The following CCSER1 variants were observed in gnomAD, a reference collection of about 807,000 sequenced individuals.
CCSER1 encodes the protein serine-rich coiled-coil domain-containing protein 1.
In CCSER1, 41 loss-of-function variants were observed where a neutral mutation model predicts 82.0. That is an observed-to-expected ratio of 0.50 (90% CI 0.39 to 0.65). CCSER1 has a LOEUF of 0.65. Ranked by LOEUF, CCSER1 falls within the 30% of genes least tolerant of loss-of-function variation. CCSER1 has a pLI of 0.00. For missense variants in CCSER1, 1,119 were observed against 1,064.2 expected (o/e 1.05, Z -0.72); for synonymous variants, 414 against 383.9 (o/e 1.08, Z -0.92).
At chr4:90,792,374 A>G (rs1190819920) in intron 7 of CCSER1, among the ~76,000 whole-genome samples, 3 of 152,150 alleles carry the variant, frequency 2.0e-5, no homozygotes, top group African/African-American at 4.8e-5. Context: ...CTTTGTTATC[A>G]TATAAAACCT....
chr4:91,371,540 G>T (rs1339418242), intron 10 of CCSER1, among the ~76,000 whole-genome samples: 1 of 152,092 alleles, frequency 6.6e-6, no homozygotes, highest in African/African-American at 2.4e-5. Context: ...GTATCCCATT[G>T]TGTATATGTG....
At chr4:91,282,777 A>C (rs919172304) in intron 10 of CCSER1, among the ~76,000 whole-genome samples, 14 of 152,260 alleles carry the variant, frequency 9.2e-5, no homozygotes, top group Admixed American at 2.0e-4. Context: ...AAAATTTGGC[A>C]ACAGGGATTA....
chr4:90,745,678 CTTTTTTTTTTTTTT>C (rs537380046), intron 7 of CCSER1, among the ~76,000 whole-genome samples: 2 of 72,236 alleles, frequency 2.8e-5, no homozygotes, highest in Non-Finnish European at 4.9e-5. Context: ...TTTCTTTTAT[CTTTTTTTTTTTTTT>C]TTTTTTTTTT....
intron 6 of CCSER1, among the ~76,000 whole-genome samples, chr4:90,674,767 G>T (rs566538449): frequency 1.3e-5 from 2 of 151,626 alleles, no homozygotes; most frequent in East Asian, 3.9e-4. Context: ...TTTATAGCAT[G>T]TAAGAAAATG....
At chr4:91,485,486 A>G (rs899621682) in intron 10 of CCSER1, among the ~76,000 whole-genome samples, 1 of 152,150 alleles carries the variant, frequency 6.6e-6, no homozygotes, top group Non-Finnish European at 1.5e-5. Context: ...AAGAAGGGGA[A>G]AAGTAGCATG....
intron 9 of CCSER1, among the ~76,000 whole-genome samples, chr4:90,948,218 A>G (rs1197033730): frequency 6.6e-6 from 1 of 151,964 alleles, no homozygotes; most frequent in Non-Finnish European, 1.5e-5. Context: ...AGTTAGGTAA[A>G]CATTCATTAT....
At position 90,591,983 on chromosome 4, in the gene CCSER1, A is replaced by G. The variant is rs540200104; in HGVS notation, c.1725-36042A>G. Among the ~76,000 whole-genome samples the G allele has an allele frequency of 9.9e-5, 15 of 152,252 alleles. No individual in the cohort carries two copies. In the South Asian group the frequency reaches 1.5e-3, roughly 15 times the overall value. Reference sequence around the variant, plus strand: ...CTCACTCATAAGTGGGAGTTGAACAATGAGAACACATGGGCACAGGGAGGG... The same window carrying G: ...CTCACTCATAAGTGGGAGTTGAACAGTGAGAACACATGGGCACAGGGAGGG... On this transcript the variant is annotated intron_variant, in intron 5 of 10. Transcript: ENST00000509176.
intron 1 of CCSER1, among the ~76,000 whole-genome samples, chr4:90,188,504 A>G (rs1441013097): frequency 4.0e-5 from 3 of 75,608 alleles, no homozygotes; most frequent in African/African-American, 2.3e-4. Context: ...ATCAAAACCA[A>G]TTATTTTCTG....
At chr4:90,900,856 G>T (rs1419641496) in intron 8 of CCSER1, among the ~76,000 whole-genome samples, 1 of 151,750 alleles carries the variant, frequency 6.6e-6, no homozygotes, top group Non-Finnish European at 1.5e-5. Flanking sequence ...TTAGTTTTCT[G>T]CTTGGATTAT....
intron 10 of CCSER1, among the ~76,000 whole-genome samples, chr4:91,180,042 G>A (rs1008899878): frequency 6.6e-6 from 1 of 152,208 alleles, no homozygotes; most frequent in Non-Finnish European, 1.5e-5. Flanking sequence ...AGGATCCCCA[G>A]CTGCAGGTCT....
At chr4:91,027,935 C>A (rs10516884) in intron 9 of CCSER1, among the ~76,000 whole-genome samples, 16,391 of 152,006 alleles carry the variant, frequency 0.11, 1,746 homozygotes, top group African/African-American at 0.27. Context: ...CAATGTCATT[C>A]TGCTGAATAT....
chr4:91,343,174 A>T (rs994268762), intron 10 of CCSER1, among the ~76,000 whole-genome samples: 1 of 152,138 alleles, frequency 6.6e-6, no homozygotes, highest in South Asian at 2.1e-4. Flanking sequence ...TTTTTGCCCA[A>T]TTTCTTCTGA....
chr4:91,559,443 G>A (rs950004189), intron 10 of CCSER1, among the ~76,000 whole-genome samples: 2 of 151,446 alleles, frequency 1.3e-5, no homozygotes, highest in Non-Finnish European at 3.0e-5. Context: ...CTATTAAGAT[G>A]AAGGAATATT....
At chr4:90,772,777 T>C (rs146461302) in intron 7 of CCSER1, among the ~76,000 whole-genome samples, 1 of 152,322 alleles carries the variant, frequency 6.6e-6, no homozygotes, top group Admixed American at 6.5e-5. Context: ...CAAAAAATGA[T>C]ATTATCTATT....
intron 10 of CCSER1, among the ~76,000 whole-genome samples, chr4:91,382,877 C>T (rs1206218643): frequency 6.6e-6 from 1 of 152,000 alleles, no homozygotes; most frequent in Non-Finnish European, 1.5e-5. Context: ...TAAGAATGGC[C>T]CACAGCCACC....
intron 6 of CCSER1, among the ~76,000 whole-genome samples, chr4:90,700,321 T>A (rs1468981277): frequency 6.6e-6 from 1 of 152,168 alleles, no homozygotes; most frequent in South Asian, 2.1e-4. Context: ...CATGAACTCA[T>A]CCTTTTTTAT....
chr4:91,362,098 T>G (rs2149313522), intron 10 of CCSER1, among the ~76,000 whole-genome samples: 1 of 151,902 alleles, frequency 6.6e-6, no homozygotes. Flanking sequence ...AGGGGTCAAG[T>G]GTGGCTGCAG....
intron 4 of CCSER1, 142 bp downstream of exon 4, chr4:90,400,271 T>A: frequency 2.5e-6 from 1 of 394,376 alleles, no homozygotes; most frequent in Non-Finnish European, 4.5e-6. Context: ...ACATGCTAGG[T>A]ACCATGGAGA....
In CCSER1 at chr4:90,916,937, T is replaced by G. The variant is rs539504941; in HGVS notation, c.2095-6433T>G. ...AAATGCTCATCATCACTGGCCATCA[T>G]AGAAATGCAAATCAAAACCACAATG... On this transcript the variant is annotated intron_variant, in intron 8 of 10. Transcript: ENST00000509176. Among the ~76,000 whole-genome samples the G allele has an allele frequency of 1.9e-3, 292 of 152,152 alleles. 1 individual carries two copies. Among genetic ancestry groups the G allele is most frequent in the Middle Eastern group, 3.4e-3 (1 of 294 alleles).
Sources: gnomAD v4.1 joint callset for allele counts (sites outside exome capture counted in the v4.1 genomes callset) on GRCh38, gnomAD v4.1.1 for gene constraint, MANE v1.5 for transcripts, NCBI Gene and HGNC (gene_info 2026-07-23, HGNC 2026-07-21) for gene names.